The following COL18A1 variants were observed in gnomAD, a reference collection of about 807,000 sequenced individuals.
COL18A1 encodes the protein collagen alpha-1(XVIII) chain.
A neutral mutation model predicts 168.0 loss-of-function variants in COL18A1; 133 were observed. The ratio of observed to expected loss-of-function variants is 0.79; its 90% CI spans 0.69 to 0.91. COL18A1 has a LOEUF of 0.91. Among genes scored for constraint, COL18A1 ranks in the 40% least tolerant of loss-of-function variants. The pLI, the probability that COL18A1 is intolerant of heterozygous loss-of-function variation, is 0.00. For synonymous variants in COL18A1, 949 were observed against 809.0 expected, an observed-to-expected ratio of 1.17 and a Z score of -2.94; for missense variants, 2,126 against 1,925.4, an observed-to-expected ratio of 1.10 and a Z score of -1.95.
chr21:45,450,812 C>T (rs1226767403), intron 2 of COL18A1, among the ~76,000 whole-genome samples: 1 of 152,336 alleles, frequency 6.6e-6, no homozygotes. Flanking sequence ...TCCCGGTGTG[C>T]CCACCCTGCA....
At chr21:45,481,551 G>C (rs1335382994) in intron 13 of COL18A1, among the ~76,000 whole-genome samples, 1 of 152,232 alleles carries the variant, frequency 6.6e-6, no homozygotes, top group Non-Finnish European at 1.5e-5. Flanking sequence ...CTACCGATGG[G>C]CATTCACCGT....
intron 34 of COL18A1, 99 bp from the exon 35 acceptor site, chr21:45,505,035 C>T (rs1202851412): frequency 1.2e-5 from 18 of 1,485,502 alleles, no homozygotes; most frequent in East Asian, 2.4e-5. Context: ...AGAGGCTGCG[C>T]TCGCCAAGGG....
rs1029033961 is a variant in COL18A1 at position 45,473,415 on chromosome 21, G to T, written c.652-480G>T. Among the ~76,000 whole-genome samples, 2 of 152,216 alleles carry T rather than the reference G, an allele frequency of 1.3e-5. No individual in the cohort carries two copies. Among genetic ancestry groups the T allele is most frequent in the Non-Finnish European group, 2.9e-5 (2 of 68,034 alleles). ...TCCTTGGCTTCTGGGTTTTGTTTTT[G>T]ATGAAAAGGTGAAGTTCAAAGAAAG... On this transcript the variant is annotated intron_variant, in intron 3 of 41. Transcript: ENST00000651438. The surrounding 1 kb of genome is among the most constrained non-coding windows in gnomAD (Gnocchi z 4.0).
At chr21:45,494,941 G>T in intron 28 of COL18A1, 26 bp downstream of exon 28, 1 of 1,600,444 alleles carries the variant, frequency 6.2e-7, no homozygotes, top group Non-Finnish European at 8.5e-7. Flanking sequence ...CTCCAGTGGG[G>T]GCGGCAGATG....
chr21:45,412,207 TATG>T (rs1052492935), intron 2 of COL18A1, among the ~76,000 whole-genome samples: 3 of 151,106 alleles, frequency 2.0e-5, no homozygotes, highest in South Asian at 2.1e-4. Flanking sequence ...TAACTGGGGG[TATG>T]ATATTTCTTT....
Position 45,497,103 on chromosome 21 carries a change from TG to T in COL18A1, c.2620+14del. On this transcript the variant is annotated intron_variant, in intron 31 of 41. Coordinates refer to ENST00000651438, the MANE Select transcript of COL18A1 (RefSeq NM_001379500.1). Reference sequence around the variant, plus strand: ...CTCCAGGATTGCCAGGTGAGGGTCCTGGGCTCACAGCTGGGGACACAGGCTC... The same window carrying T: ...CTCCAGGATTGCCAGGTGAGGGTCCTGGCTCACAGCTGGGGACACAGGCTC... 1 of 1,550,442 alleles carries T rather than the reference TG, an allele frequency of 6.4e-7. No homozygotes were observed. Among genetic ancestry groups the T allele is most frequent in the Non-Finnish European group, 8.8e-7 (1 of 1,131,764 alleles).
At chr21:45,453,001 CTATA>C (rs1220150442) in intron 2 of COL18A1, among the ~76,000 whole-genome samples, 8 of 148,944 alleles carry the variant, frequency 5.4e-5, no homozygotes, top group Admixed American at 2.7e-4. Flanking sequence ...ACATGTGAGC[CTATA>C]TGTATGTGTG....
chr21:45,456,515 G>A (rs1401923381), intron 2 of COL18A1: 4 of 1,546,214 alleles, frequency 2.6e-6, no homozygotes, highest in Non-Finnish European at 2.6e-6. Context: ...TGACCCCGAG[G>A]CCCCCGCCGG....
rs758720203 is a variant in COL18A1 at position 45,437,896 on chromosome 21, ACACT to A, written c.107-30339_107-30336del. Among the ~76,000 whole-genome samples the A allele has an allele frequency of 4.7e-4, 33 of 69,888 alleles. 3 individuals are homozygous for A. The highest frequency in any genetic ancestry group is 3.2e-3 in the South Asian group (6 of 1,902). 45.8% of individuals were successfully genotyped at this position (69,888 alleles called of 152,430 possible). On this transcript the variant is annotated intron_variant, in intron 2 of 41. Coordinates refer to ENST00000651438, the MANE Select transcript of COL18A1 (RefSeq NM_001379500.1). Reference sequence around the variant, plus strand: ...CACACAGGCACTCTCCTGCACACACACACTCACTCAGACACAGGCACTCTCCTGC... The same window carrying A: ...CACACAGGCACTCTCCTGCACACACACACTCAGACACAGGCACTCTCCTGC...
chr21:45,456,755 T>C lies in COL18A1; in HGVS notation c.107-11487T>C, dbSNP rs58491986. 8,349 of 1,539,370 alleles carry C rather than the reference T, an allele frequency of 5.4e-3. 379 individuals carry two copies. The African/African-American group carries it at 0.098, about 18-fold the overall frequency. ...CCCGCCGCCCGCCCCGCCACCCTGC[T>C]GCCAGTTCTGCGAGGCCCTGCAGGA... On this transcript the variant is annotated intron_variant, in intron 2 of 41. Coordinates refer to ENST00000651438, the MANE Select transcript of COL18A1 (RefSeq NM_001379500.1).
At chr21:45,446,360 C>T (rs141003064) in intron 2 of COL18A1, among the ~76,000 whole-genome samples, 1 of 152,210 alleles carries the variant, frequency 6.6e-6, no homozygotes, top group Non-Finnish European at 1.5e-5. Context: ...AATGTAAGTC[C>T]TTTGACTTTT....
intron 14 of COL18A1, among the ~76,000 whole-genome samples, 178 bp from the exon 15 acceptor site, chr21:45,482,617 C>G (rs2145945233): frequency 6.6e-6 from 1 of 152,296 alleles, no homozygotes; most frequent in East Asian, 1.9e-4. Context: ...CTTTCAGGAC[C>G]CCAACCACAC....
intron 23 of COL18A1, 40 bp downstream of exon 23, chr21:45,492,604 G>T (rs777150824): frequency 1.9e-6 from 3 of 1,612,462 alleles, no homozygotes; most frequent in African/African-American, 2.7e-5. Flanking sequence ...GGCCTGCGGG[G>T]ACCTGGGTAC....
At chr21:45,466,912 C>T (rs2035233152) in intron 2 of COL18A1, among the ~76,000 whole-genome samples, 1 of 152,216 alleles carries the variant, frequency 6.6e-6, no homozygotes, top group Non-Finnish European at 1.5e-5. Flanking sequence ...CTTATCACAG[C>T]CCCAGCTTGG....
chr21:45,504,646 C>T (rs1016335954), intron 34 of COL18A1, 90 bp downstream of exon 34: 38 of 1,201,060 alleles, frequency 3.2e-5, no homozygotes, highest in Middle Eastern at 2.7e-4. Flanking sequence ...TCGACACCCG[C>T]GAAGGCCGGA....
intron 2 of COL18A1, among the ~76,000 whole-genome samples, chr21:45,435,226 G>C (rs1222815939): frequency 7.2e-6 from 1 of 139,734 alleles, no homozygotes; most frequent in Admixed American, 7.1e-5. Flanking sequence ...GAGGAAGAGA[G>C]GAAGGTGGGG....
intron 31 of COL18A1, 39 bp from the exon 32 acceptor site, chr21:45,497,560 G>A (rs778936469): frequency 1.3e-6 from 2 of 1,551,264 alleles, no homozygotes; most frequent in South Asian, 2.4e-5. Flanking sequence ...AGTCCTCCCT[G>A]GCACATTCCT....
rs749910516 is a variant in COL18A1, at chr21:45,497,069, G to A, written c.2597G>A (p.Arg866His). The A allele has an allele frequency of 1.1e-5, 17 of 1,601,084 alleles. No homozygotes were observed. Among genetic ancestry groups the A allele is most frequent in the South Asian group, 6.6e-5 (6 of 90,972 alleles). The stretch of plus-strand genomic sequence containing the variant: ...TTGCAGGTGTTTGCTGAGTCCAGCC[G>A]CCCCGGGCCTCCAGGATTGCCAGGT... The part of the protein sequence containing the change: ...YDSNVFAESS[R>H]PGPPGLPGNQ... The change falls in exon 31 of 42, where the codon CGC becomes CAC. Residue 866 changes from arginine to histidine, a missense_variant. Transcript: ENST00000651438.
rs1194389817 is a variant in COL18A1 at position 45,493,533 on chromosome 21, C to G, written c.2310C>G (p.Ser770Arg). 19 of 1,561,734 alleles carry G rather than the reference C, an allele frequency of 1.2e-5. No individual in the cohort carries two copies. In the South Asian group the frequency reaches 2.0e-4, roughly 16 times the overall value. The change falls in exon 26 of 42, where the codon AGC becomes AGG. Residue 770 changes from serine (S) to arginine (R), a missense_variant. By Grantham distance (110) the Ser-to-Arg change is moderately radical. Transcript: ENST00000651438. ...GEKGEPGSIF[S>R]PDGGALGPAQ... ...AGGGTGAACCGGGCAGCATCTTCAGCCCCGACGGCGGTGCCCTGGGCCCTG... is the reference window on the plus strand; with the variant it reads ...AGGGTGAACCGGGCAGCATCTTCAGGCCCGACGGCGGTGCCCTGGGCCCTG...
Sources: allele counts gnomAD v4.1 joint callset (sites outside exome capture counted in the v4.1 genomes callset), GRCh38; gene constraint gnomAD v4.1.1; non-coding constraint Gnocchi (gnomAD v3.1); transcripts MANE v1.5; gene names NCBI Gene and HGNC (gene_info 2026-07-23, HGNC 2026-07-21).